The following RHBDD1 variants were observed in gnomAD, a reference collection of about 807,000 sequenced individuals.
RHBDD1 encodes the protein rhomboid-related protein 4.
A neutral mutation model predicts 36.3 loss-of-function variants in RHBDD1; 38 were observed. The ratio of observed to expected loss-of-function variants is 1.05; its 90% confidence interval spans 0.81 to 1.37. The LOEUF is 1.37. Among genes scored for constraint, RHBDD1 ranks in the 40% most tolerant of loss-of-function variants. The pLI, the probability that RHBDD1 is intolerant of heterozygous loss-of-function variation, is 0.00. For synonymous variants in RHBDD1, 151 were observed against 136.5 expected (o/e 1.11, Z -0.74); for missense variants, 393 against 377.6 (o/e 1.04, Z -0.34).
At chr2:226,918,217 A>G (rs368767308) in intron 8 of RHBDD1, among the ~76,000 whole-genome samples, 1 of 151,906 alleles carries the variant, frequency 6.6e-6, no homozygotes, top group African/African-American at 2.4e-5. Flanking sequence ...GCAGGTGTAT[A>G]TATTTATGGG....
intron 8 of RHBDD1, among the ~76,000 whole-genome samples, chr2:226,966,476 G>C (rs544372155): frequency 4.6e-5 from 7 of 152,332 alleles, no homozygotes; most frequent in African/African-American, 1.7e-4. Context: ...CAAGTGCTGA[G>C]CATGTGGAAT....
the RHBDD1 span, among the ~76,000 whole-genome samples, chr2:226,822,613 G>A: frequency 2.0e-5 from 3 of 148,980 alleles, no homozygotes; most frequent in African/African-American, 7.5e-5. Flanking sequence ...CAGCTTAGGC[G>A]GCATAGTAAT....
chr2:226,840,214 A>C (rs575826536), intron 3 of RHBDD1, among the ~76,000 whole-genome samples: 2 of 152,270 alleles, frequency 1.3e-5, no homozygotes, highest in East Asian at 3.9e-4. Flanking sequence ...CATGATGGTG[A>C]TATTTCAAAG....
chr2:226,877,371 C>G (rs1408497726), intron 5 of RHBDD1, among the ~76,000 whole-genome samples: 2 of 152,114 alleles, frequency 1.3e-5, no homozygotes, highest in Non-Finnish European at 2.9e-5. Flanking sequence ...TATGTCACCA[C>G]CAATCTCATC....
the RHBDD1 span, among the ~76,000 whole-genome samples, chr2:226,806,799 T>C: frequency 2.6e-5 from 4 of 152,324 alleles, no homozygotes; most frequent in South Asian, 8.3e-4. Flanking sequence ...CCTAGCACAC[T>C]AAGGTGTCAT....
At chr2:226,972,239 C>G (rs1364056194) in intron 8 of RHBDD1, among the ~76,000 whole-genome samples, 1 of 152,168 alleles carries the variant, frequency 6.6e-6, no homozygotes, top group African/African-American at 2.4e-5. Context: ...TCATCCATGT[C>G]CCTGCAAAGG....
At chr2:226,875,489 G>T (rs1219732057) in intron 5 of RHBDD1, among the ~76,000 whole-genome samples, 2 of 152,066 alleles carry the variant, frequency 1.3e-5, no homozygotes, top group African/African-American at 2.4e-5. Context: ...CACTATTTCC[G>T]TACCCATCGA....
chr2:226,946,565 G>A (rs1327135548), intron 8 of RHBDD1, among the ~76,000 whole-genome samples: 3 of 151,964 alleles, frequency 2.0e-5, no homozygotes, highest in Admixed American at 1.3e-4. Context: ...CTGGTTTTTT[G>A]AAAAGATTAA....
chr2:226,817,649 C>T, the RHBDD1 span, among the ~76,000 whole-genome samples: 3 of 152,172 alleles, frequency 2.0e-5, no homozygotes, highest in East Asian at 1.9e-4. Context: ...CCTGTTTAAA[C>T]GGAGCTGTCT....
At chr2:226,979,145 C>G (rs1315693108) in intron 8 of RHBDD1, among the ~76,000 whole-genome samples, 1 of 152,132 alleles carries the variant, frequency 6.6e-6, no homozygotes, top group Non-Finnish European at 1.5e-5. Flanking sequence ...GCGCAGCCGT[C>G]AGTCTGAGGC....
intron 8 of RHBDD1, among the ~76,000 whole-genome samples, chr2:226,928,579 G>A (rs2149087156): frequency 6.6e-6 from 1 of 151,986 alleles, no homozygotes; most frequent in Non-Finnish European, 1.5e-5. Flanking sequence ...ACAATCTAAT[G>A]TCACACGTCA....
chr2:226,814,069 A>C, the RHBDD1 span, among the ~76,000 whole-genome samples: 1 of 152,224 alleles, frequency 6.6e-6, no homozygotes, highest in African/African-American at 2.4e-5. Flanking sequence ...TGAGTGATAA[A>C]TATGAGTTCT....
chr2:226,853,507 T>G (rs1317343925), intron 3 of RHBDD1, among the ~76,000 whole-genome samples: 1 of 152,220 alleles, frequency 6.6e-6, no homozygotes, highest in African/African-American at 2.4e-5. Context: ...GGCAGGAAAC[T>G]GCAGGGCTTC....
intron 8 of RHBDD1, among the ~76,000 whole-genome samples, chr2:226,963,192 A>T (rs200016602): frequency 2.7e-5 from 4 of 147,468 alleles, no homozygotes; most frequent in African/African-American, 1.0e-4. Context: ...GATAAAAAAA[A>T]GAATCCAGTA....
intron 3 of RHBDD1, among the ~76,000 whole-genome samples, chr2:226,841,564 C>T: frequency 6.6e-6 from 1 of 152,154 alleles, no homozygotes; most frequent in East Asian, 1.9e-4. Context: ...GTTTGGTTTT[C>T]TGTTCCCATG....
Position 226,955,858 on chromosome 2 carries a change from G to A in RHBDD1, c.857-39573G>A, listed in dbSNP as rs923004621. ...TAACCTTAATTACCTCTTTAGGGCC[G>A]AATCTCCAAATACAGTCACATTGGG... is the stretch of plus-strand genomic sequence containing the variant. On this transcript the variant is annotated intron_variant, in intron 8 of 8. Coordinates refer to ENST00000392062, the MANE Select transcript of RHBDD1 (RefSeq NM_001167608.3). Among the ~76,000 whole-genome samples the A allele has an allele frequency of 2.6e-5, 4 of 152,128 alleles. No individual in the cohort carries two copies. In the East Asian group the frequency reaches 5.8e-4, roughly 22 times the overall value.
At chr2:226,905,339 C>T (rs1308339897) in intron 5 of RHBDD1, among the ~76,000 whole-genome samples, 1 of 152,002 alleles carries the variant, frequency 6.6e-6, no homozygotes, top group Non-Finnish European at 1.5e-5. Context: ...TGAGGGGAGG[C>T]AGGAGAAGGA....
chr2:226,875,938 A>G (rs1474932631), intron 5 of RHBDD1, among the ~76,000 whole-genome samples: 2 of 152,218 alleles, frequency 1.3e-5, no homozygotes, highest in African/African-American at 4.8e-5. Flanking sequence ...GGATTCTGAA[A>G]ACATTGCAGG....
intron 5 of RHBDD1, among the ~76,000 whole-genome samples, chr2:226,886,584 G>C (rs1262985660): frequency 6.6e-6 from 1 of 152,148 alleles, no homozygotes; most frequent in Non-Finnish European, 1.5e-5. Flanking sequence ...GACAAGATTA[G>C]GCTACAAAGG....
Sources: allele counts gnomAD v4.1 joint callset (sites outside exome capture counted in the v4.1 genomes callset), GRCh38; gene constraint gnomAD v4.1.1; transcripts MANE v1.5; gene names NCBI Gene and HGNC (gene_info 2026-07-23, HGNC 2026-07-21).